ARHGEF38: variants seen among roughly 807,000 people sequenced by gnomAD.
ARHGEF38 encodes the protein Rho guanine nucleotide exchange factor (GEF) 38.
A neutral mutation model predicts 79.9 loss-of-function variants in ARHGEF38; 79 were observed. That is an observed-to-expected ratio of 0.99 (90% CI 0.82 to 1.19). The LOEUF is 1.19. Ranked by LOEUF, ARHGEF38 falls within the 50% of genes most tolerant of loss-of-function variation. ARHGEF38 has a pLI of 0.00. For missense variants in ARHGEF38, 962 were observed against 907.2 expected, an observed-to-expected ratio of 1.06 and a Z score of -0.78; for synonymous variants, 366 against 328.3, an observed-to-expected ratio of 1.11 and a Z score of -1.24.
chr4:105,631,710 T>C (rs1260849708), intron 4 of ARHGEF38: 1 of 931,856 alleles, frequency 1.1e-6, no homozygotes, highest in East Asian at 1.2e-4. Context: ...TAATAATCAT[T>C]TTCTTCTGAT....
Position 105,558,749 on chromosome 4 carries a change from C to G in ARHGEF38, c.196+5788C>G, listed in dbSNP as rs142787293. On this transcript the variant is annotated intron_variant, in intron 1 of 13. Coordinates refer to ENST00000420470, the MANE Select transcript of ARHGEF38 (RefSeq NM_001242729.2). ...CATATTGTGATGGGCAAATTTATTC[C>G]TATGTTTGACCGATATGACTTTAGG... is the stretch of plus-strand genomic sequence containing the variant. Among the ~76,000 whole-genome samples, 53 of 151,898 alleles carry G rather than the reference C, an allele frequency of 3.5e-4. No individual in the cohort carries two copies. In the East Asian group the frequency reaches 9.8e-3, roughly 28 times the overall value.
chr4:105,576,056 A>G (rs1158707844), intron 1 of ARHGEF38, among the ~76,000 whole-genome samples: 2 of 152,172 alleles, frequency 1.3e-5, no homozygotes, highest in South Asian at 2.1e-4. Context: ...ACAGCCTTGT[A>G]GTATAACTTA....
intron 13 of ARHGEF38, among the ~76,000 whole-genome samples, chr4:105,671,486 A>G (rs1369084814): frequency 2.0e-5 from 3 of 152,320 alleles, no homozygotes; most frequent in African/African-American, 7.2e-5. Flanking sequence ...TGTAATGCAT[A>G]ATGCATAATA....
At chr4:105,644,671 T>C (rs1003765030) in intron 5 of ARHGEF38, among the ~76,000 whole-genome samples, 5 of 152,230 alleles carry the variant, frequency 3.3e-5, no homozygotes, top group African/African-American at 4.8e-5. Context: ...GAAGTCCCTT[T>C]TGGGGACTGT....
At chr4:105,565,753 A>G (rs1259495692) in intron 1 of ARHGEF38, among the ~76,000 whole-genome samples, 2 of 152,060 alleles carry the variant, frequency 1.3e-5, no homozygotes, top group African/African-American at 2.4e-5. Flanking sequence ...TTATCACCTT[A>G]TCTCCTCTAC....
intron 10 of ARHGEF38, among the ~76,000 whole-genome samples, chr4:105,665,776 T>C (rs1032994840): frequency 2.0e-5 from 3 of 152,150 alleles, no homozygotes; most frequent in Admixed American, 2.0e-4. Flanking sequence ...CTCCATTTCT[T>C]TGTAGGAAGC....
chr4:105,608,769 C>T (rs542240048), intron 2 of ARHGEF38, among the ~76,000 whole-genome samples: 24 of 151,840 alleles, frequency 1.6e-4, no homozygotes, highest in African/African-American at 9.7e-5. Flanking sequence ...TGTAGGTAAA[C>T]GTGTGTCATG....
In ARHGEF38 at chr4:105,666,403, C is replaced by A; in HGVS notation, c.1689+83C>A. The A allele has an allele frequency of 4.5e-6, 6 of 1,333,262 alleles. No homozygotes were observed. In the South Asian group the frequency reaches 1.1e-4, roughly 24 times the overall value. 82.6% of individuals were successfully genotyped at this position (1,333,262 alleles called of 1,614,324 possible). A position where few individuals can be genotyped will look rare whatever the true frequency, so the allele number is the denominator to read the frequency against. ...TGTAGTATCATATTATTTTCCAGAT[C>A]ACTTATCTCATTCTAATATCCTATA... is the stretch of plus-strand genomic sequence containing the variant. On this transcript the variant is annotated intron_variant, in intron 11 of 13. Coordinates refer to ENST00000420470, the MANE Select transcript of ARHGEF38 (RefSeq NM_001242729.2).
At chr4:105,665,573 C>T (rs1730720144) in intron 10 of ARHGEF38, among the ~76,000 whole-genome samples, 1 of 151,942 alleles carries the variant, frequency 6.6e-6, no homozygotes, top group South Asian at 2.1e-4. Flanking sequence ...ATTAGCTGAA[C>T]TACAGGCATG....
intron 7 of ARHGEF38, among the ~76,000 whole-genome samples, chr4:105,651,640 T>C (rs1435592189): frequency 6.6e-6 from 1 of 152,190 alleles, no homozygotes; most frequent in Non-Finnish European, 1.5e-5. Flanking sequence ...AGTTGTTTAT[T>C]TCTCTCTCTC....
intron 10 of ARHGEF38, among the ~76,000 whole-genome samples, chr4:105,663,617 T>C (rs1257543985): frequency 2.0e-5 from 3 of 152,240 alleles, no homozygotes; most frequent in Admixed American, 2.0e-4. Flanking sequence ...TTCATTCGTG[T>C]TGTAGCATGT....
chr4:105,643,534 C>G (rs1037155624), intron 5 of ARHGEF38, among the ~76,000 whole-genome samples: 1 of 152,100 alleles, frequency 6.6e-6, no homozygotes, highest in African/African-American at 2.4e-5. Flanking sequence ...CATTTATTCA[C>G]GTTTTTGGAA....
At chr4:105,639,189 A>C (rs1280597659) in intron 5 of ARHGEF38, among the ~76,000 whole-genome samples, 1 of 151,982 alleles carries the variant, frequency 6.6e-6, no homozygotes, top group Non-Finnish European at 1.5e-5. Context: ...TTCATTTCTA[A>C]CGAATGATGT....
In ARHGEF38 at chr4:105,571,915, AAG is replaced by A. The variant is rs200195428; in HGVS notation, c.197-17331_197-17330del. Among the ~76,000 whole-genome samples the A allele has an allele frequency of 1.9e-3, 285 of 152,334 alleles. 5 individuals are homozygous for A. The East Asian group carries it at 0.02, about 11-fold the overall frequency. On this transcript the variant is annotated intron_variant, in intron 1 of 13. Transcript: ENST00000420470. ...CAGCATACATATGGTGCCTGATAGA[AAG>A]AAGCCAGGCGAAAGTACATTAGTCC...
rs186651434 is a variant in ARHGEF38 at position 105,561,214 on chromosome 4, C to A, written c.196+8253C>A. 2.6e-5 allele frequency among the ~76,000 whole-genome samples: 4 copies of A among 151,718 alleles called. No homozygotes were observed. In the East Asian group the frequency reaches 7.8e-4, roughly 29 times the overall value. ...ACCAGTCTGTGCAACATGGTGAGAC[C>A]CTGTCTCTACTAAGAAAACAAAACA... On this transcript the variant is annotated intron_variant, in intron 1 of 13. Coordinates refer to ENST00000420470, the MANE Select transcript of ARHGEF38 (RefSeq NM_001242729.2).
chr4:105,648,714 C>T (rs1196398484), intron 7 of ARHGEF38, 32 bp downstream of exon 7: 1 of 1,487,378 alleles, frequency 6.7e-7, no homozygotes, highest in African/African-American at 1.4e-5. Flanking sequence ...CCCACCTTTT[C>T]CCAGGGAACA....
intron 2 of ARHGEF38, among the ~76,000 whole-genome samples, chr4:105,592,034 T>C (rs1305313241): frequency 6.6e-6 from 1 of 152,232 alleles, no homozygotes; most frequent in Non-Finnish European, 1.5e-5. Context: ...ATGTTGATTT[T>C]AAATGCACAT....
chr4:105,678,767 C>G lies in ARHGEF38; in HGVS notation c.*830C>G, dbSNP rs1201649881. The G allele has an allele frequency of 6.6e-6, 1 of 150,688 alleles. No homozygotes were observed. The highest frequency in any genetic ancestry group is 2.4e-5 in the African/African-American group (1 of 41,076). 9.3% of individuals were successfully genotyped at this position (150,688 alleles called of 1,614,324 possible). On this transcript the variant is annotated 3_prime_UTR_variant, in exon 14 of 14. Coordinates refer to ENST00000420470, the MANE Select transcript of ARHGEF38 (RefSeq NM_001242729.2). ...ATAAAATTCTAAGGCTTCCAACCAT[C>G]TAAATAGACTTCCCCTTCAGCCAGG... is the stretch of plus-strand genomic sequence containing the variant.
At chr4:105,582,001 T>G (rs961638237) in intron 1 of ARHGEF38, among the ~76,000 whole-genome samples, 2 of 151,692 alleles carry the variant, frequency 1.3e-5, no homozygotes, top group African/African-American at 4.8e-5. Context: ...CCGTCTCTAC[T>G]AAAAATACAA....
Sources: gnomAD v4.1 joint callset for allele counts (sites outside exome capture counted in the v4.1 genomes callset) on GRCh38, gnomAD v4.1.1 for gene constraint, MANE v1.5 for transcripts, NCBI Gene and HGNC (gene_info 2026-07-23, HGNC 2026-07-21) for gene names.